Variants in ZNF236 observed in about 807,000 individuals in gnomAD.
The protein encoded by ZNF236 is regulated by glucose.
Under a neutral mutation model 191.2 loss-of-function variants are expected in ZNF236, and 50 were observed. The observed-to-expected ratio is 0.26, with a 90% confidence interval of 0.21 to 0.33. The LOEUF (loss-of-function observed/expected upper bound fraction) is 0.33, where lower values mean the gene tolerates loss of function less well. Ranked by LOEUF, ZNF236 falls within the 10% of genes least tolerant of loss-of-function variation. ZNF236 has a pLI of 1.00. For synonymous variants in ZNF236, 907 were observed against 928.8 expected (o/e 0.98, Z 0.43); for missense variants, 1,754 against 2,374.5 (o/e 0.74, Z 5.43).
rs1316584687 is a variant in ZNF236 at position 76,927,316 on chromosome 18, A to G, written c.4213A>G (p.Asn1405Asp). The change falls in exon 24 of 31, where the codon AAC becomes GAC. Residue 1405 changes from asparagine to aspartate, a missense_variant. Coordinates refer to ENST00000320610, the MANE Select transcript of ZNF236 (RefSeq NM_001306089.2). This position sits in a 1 kb window ranked among gnomAD's most constrained non-coding sequence, Gnocchi z 5.4. ...TCTGCAGCAGACGCTACAGCAGGGC[A>G]ACCTATTGGCTCAGCAGCTCACGGG... ...SILQQTLQQG[N>D]LLAQQLTGEP... The G allele has an allele frequency of 6.2e-7, 1 of 1,614,022 alleles. No individual in the cohort carries two copies. The highest frequency in any genetic ancestry group is 1.3e-5 in the African/African-American group (1 of 74,910).
Position 76,895,106 on chromosome 18 carries a change from G to T in ZNF236, c.1511G>T (p.Arg504Leu). Residue 504 changes from arginine (R) to leucine (L), a missense_variant, in exon 10 of 31, where the codon CGC becomes CTC. By Grantham distance (102) the Arg-to-Leu change is moderately radical. This residue lies in a region of ZNF236 where 641 missense variants were observed against 869.6 expected (regional missense o/e 0.74). Coordinates refer to ENST00000320610, the MANE Select transcript of ZNF236 (RefSeq NM_001306089.2). ...RKPSDLVRHI[R>L]IHTHEKPFKC... ...CCCAGCGACCTGGTCCGCCACATCC[G>T]CATCCACACCCACGAGAAGCCCTTC... 6.2e-7 allele frequency: 1 copy of T among 1,611,712 alleles called. No homozygotes were observed. Among genetic ancestry groups the T allele is most frequent in the Non-Finnish European group, 8.5e-7 (1 of 1,180,014 alleles).
In ZNF236 at chr18:76,849,550, A is replaced by C. The variant is rs767367907; in HGVS notation, c.80A>C (p.Glu27Ala). 1.9e-6 allele frequency: 3 copies of C among 1,611,276 alleles called. No homozygotes were observed. In the South Asian group the frequency reaches 3.3e-5, roughly 18 times the overall value. Residue 27 changes from glutamate to alanine, a missense_variant, in exon 2 of 31, where the codon GAG (glutamate) becomes GCG (alanine). This residue lies in a region of ZNF236 where 336 missense variants were observed against 495.1 expected (regional missense o/e 0.68). Coordinates refer to ENST00000320610, the MANE Select transcript of ZNF236 (RefSeq NM_001306089.2). ...GATGGAGTTTTAACATTGAATGCGG[A>C]GAACACTAATTATGCCTATCAAGTT... ...DSDGVLTLNAENTNYAYQVPN... is the reference protein window; with the variant it reads ...DSDGVLTLNAANTNYAYQVPN...
At chr18:76,840,529 A>G (rs930256685) in intron 1 of ZNF236, among the ~76,000 whole-genome samples, 1 of 152,128 alleles carries the variant, frequency 6.6e-6, no homozygotes, top group Admixed American at 6.6e-5. Context: ...CGTTAATAAC[A>G]TTAAGCATGA....
rs1968614881 is a variant in ZNF236, at chr18:76,959,801, A to T, written c.5227A>T (p.Ser1743Cys). 7 of 1,614,106 alleles carry T rather than the reference A, an allele frequency of 4.3e-6. No homozygotes were observed. The highest frequency in any genetic ancestry group is 5.1e-6 in the Non-Finnish European group (6 of 1,179,988). The stretch of plus-strand genomic sequence containing the variant: ...CAAACCAAGCCAGCTGGAGCGCCAC[A>T]GCCGCATACATACAGGTAACGGGGA... ...FAKPSQLERH[S>C]RIHTGERPFH... The change falls in exon 29 of 31, where the codon AGC becomes TGC. Residue 1743 changes from serine (S) to cysteine (C), a missense_variant. Physicochemically the swap from Ser to Cys is moderately radical, Grantham distance 112 (BLOSUM62 -1). Coordinates refer to ENST00000320610, the MANE Select transcript of ZNF236 (RefSeq NM_001306089.2).
intron 4 of ZNF236, 107 bp from the exon 5 acceptor site, chr18:76,871,594 A>G (rs1976585695): frequency 1.6e-6 from 2 of 1,220,196 alleles, no homozygotes; most frequent in Non-Finnish European, 2.4e-6. Context: ...TCATTAAAAC[A>G]GGTTCTGATG....
chr18:76,836,276 A>T (rs1975322251), intron 1 of ZNF236, among the ~76,000 whole-genome samples: 1 of 151,922 alleles, frequency 6.6e-6, no homozygotes, highest in East Asian at 1.9e-4. Context: ...GCTGGAGTGC[A>T]GTGGTGCGAG....
At chr18:76,899,274 G>A (rs1977522716) in intron 11 of ZNF236, 52 bp downstream of exon 11, 3 of 1,485,242 alleles carry the variant, frequency 2.0e-6, no homozygotes, top group African/African-American at 2.8e-5. Flanking sequence ...TATTTTCTTT[G>A]ACATTTTGTG....
intron 5 of ZNF236, among the ~76,000 whole-genome samples, chr18:76,873,873 T>TCCTGC (rs2122616121): frequency 6.7e-6 from 1 of 148,260 alleles, no homozygotes; most frequent in South Asian, 2.1e-4. Flanking sequence ...TCACCGTGCC[T>TCCTGC]CCTGCCCCCC....
In ZNF236 at chr18:76,832,193, C is replaced by A. The variant is rs147008088; in HGVS notation, c.55+9531C>A. Among the ~76,000 whole-genome samples, 11 of 152,250 alleles carry A rather than the reference C, an allele frequency of 7.2e-5. No homozygotes were observed. The East Asian group carries it at 2.1e-3, about 29-fold the overall frequency. On this transcript the variant is annotated intron_variant, in intron 1 of 30. Transcript: ENST00000320610. ...TTCCTGGGTTCAAGCGATTCTTGTA[C>A]CTCAGCCTCCTGAGTAGCTCAGATT...
chr18:76,926,963 G>C, intron 22 of ZNF236, 74 bp from the exon 23 acceptor site: 1 of 1,523,098 alleles, frequency 6.6e-7, no homozygotes, highest in Non-Finnish European at 8.9e-7. Context: ...AAATCCCTAT[G>C]TAAAAAATGA....
chr18:76,875,660 C>A lies in ZNF236; in HGVS notation c.836C>A (p.Ser279Ter). ...NLQSHVQRVHSEVKNGPTYNC... is the reference protein window; with the variant it reads ...NLQSHVQRVH The stretch of plus-strand genomic sequence containing the variant: ...CAGTCGCACGTGCAGCGAGTCCACT[C>A]AGAGGTAAACACGGGTTGGGGGCAT... The change falls in exon 6 of 31, where the codon TCA becomes TAA. Residue 279 changes from serine (S) to a stop codon, truncating the protein, a stop_gained. Transcript: ENST00000320610. LOFTEE classifies it high-confidence loss of function. This position sits in a 1 kb window ranked among gnomAD's most constrained non-coding sequence, Gnocchi z 4.3. The A allele has an allele frequency of 6.4e-7, 1 of 1,573,404 alleles. No homozygotes were observed. Among genetic ancestry groups the A allele is most frequent in the South Asian group, 1.2e-5 (1 of 85,342 alleles).
intron 3 of ZNF236, among the ~76,000 whole-genome samples, chr18:76,864,887 A>C (rs1976362289): frequency 6.6e-6 from 1 of 152,124 alleles, no homozygotes; most frequent in Non-Finnish European, 1.5e-5. Context: ...CGAAAATACT[A>C]CTAATAAATC....
rs187703906 is a variant in ZNF236, at chr18:76,823,423, G to A, written c.55+761G>A. ...CCTGGGCATCTGGAGAGCGCTGTGG[G>A]TCGTGCAAACAGTAGGCACCATTGT... On this transcript the variant is annotated intron_variant, in intron 1 of 30. Transcript: ENST00000320610. Among the ~76,000 whole-genome samples the A allele has an allele frequency of 3.0e-3, 457 of 151,844 alleles. 2 individuals carry two copies. Among genetic ancestry groups the A allele is most frequent in the Admixed American group, 7.7e-3 (118 of 15,252 alleles).
At chr18:76,913,656 A>G in intron 17 of ZNF236, 91 bp from the exon 18 acceptor site, 1 of 1,388,498 alleles carries the variant, frequency 7.2e-7, no homozygotes, top group African/African-American at 1.4e-5. Context: ...TTGTTGGTGA[A>G]GCTTGTTTGC....
At chr18:76,834,640 C>A (rs778477497) in intron 1 of ZNF236, 7 of 448,218 alleles carry the variant, frequency 1.6e-5, no homozygotes, top group Non-Finnish European at 3.0e-5. Flanking sequence ...CCCGTTGCAC[C>A]CATTCAATGT....
At chr18:76,845,675 C>G (rs1212172790) in intron 1 of ZNF236, among the ~76,000 whole-genome samples, 1 of 151,948 alleles carries the variant, frequency 6.6e-6, no homozygotes, top group East Asian at 1.9e-4. Context: ...ATGGTGAAAC[C>G]CTGTCTCTAC....
At chr18:76,947,918 T>C (rs1279420499) in intron 27 of ZNF236, among the ~76,000 whole-genome samples, 3 of 152,300 alleles carry the variant, frequency 2.0e-5, no homozygotes, top group South Asian at 2.1e-4. Context: ...GCCACAGTGA[T>C]ACGTAAATCT....
chr18:76,879,895 G>A (rs1440153571), intron 7 of ZNF236, among the ~76,000 whole-genome samples: 1 of 151,964 alleles, frequency 6.6e-6, no homozygotes, highest in African/African-American at 2.4e-5. Flanking sequence ...GGAAAAAACT[G>A]TACAAAATTG....
intron 1 of ZNF236, among the ~76,000 whole-genome samples, chr18:76,848,710 G>T (rs1975773548): frequency 6.6e-6 from 1 of 152,198 alleles, no homozygotes; most frequent in African/African-American, 2.4e-5. Flanking sequence ...CTGTGGCCCA[G>T]ACTGGGGTGC....
Sources: allele counts gnomAD v4.1 joint callset (sites outside exome capture counted in the v4.1 genomes callset), GRCh38; gene constraint gnomAD v4.1.1; regional missense constraint gnomAD v4.1.1; non-coding constraint Gnocchi (gnomAD v3.1); transcripts MANE v1.5; gene names NCBI Gene and HGNC (gene_info 2026-07-23, HGNC 2026-07-21).